CLIC2: variants seen among roughly 807,000 people sequenced by gnomAD.
CLIC2 encodes CLIC family member 2, also known as chloride intracellular channel protein 2.
Under a neutral mutation model 14.8 loss-of-function variants are expected in CLIC2, and 9 were observed. The observed-to-expected ratio is 0.61, with a 90% CI of 0.37 to 1.06. The LOEUF is 1.06. Ranked by LOEUF, CLIC2 falls within the 50% of genes least tolerant of loss-of-function variation. The pLI, the probability that CLIC2 is intolerant of heterozygous loss-of-function variation, is 0.01. For missense variants in CLIC2, 148 were observed against 181.4 expected (o/e 0.82, Z 1.06); for synonymous variants, 61 against 66.3 (o/e 0.92, Z 0.39).
intron 1 of CLIC2, among the ~76,000 whole-genome samples, chrX:155,328,184 T>C (rs1557322519): frequency 9.0e-6 from 1 of 110,789 alleles, no homozygotes; most frequent in African/African-American, 3.3e-5. Context: ...GATAAAGAAA[T>C]AAAAAGGCTT....
rs185956681 is a variant in CLIC2, at chrX:155,276,327, G to A, written c.*1576C>T. 31 of 112,027 alleles carry A rather than the reference G, an allele frequency of 2.8e-4. No homozygotes were observed. Among genetic ancestry groups the A allele is most frequent in the East Asian group, 1.1e-3 (4 of 3,598 alleles). The allele number at this position is 112,027 out of a possible 1,213,427, so 9.2% of individuals were successfully genotyped here. A position where few individuals can be genotyped will look rare whatever the true frequency, so the allele number is the denominator to read the frequency against. On this transcript the variant is annotated 3_prime_UTR_variant, in exon 6 of 6. Transcript: ENST00000369449. Reference sequence around the variant, plus strand: ...CACACAGTATAATGATCAAATAGGCGTAATTACCATATCCACCACTATAAA... The same window carrying A: ...CACACAGTATAATGATCAAATAGGCATAATTACCATATCCACCACTATAAA...
intron 1 of CLIC2, among the ~76,000 whole-genome samples, chrX:155,307,743 G>C (rs1427912044): frequency 9.0e-6 from 1 of 110,685 alleles, no homozygotes; most frequent in Non-Finnish European, 1.9e-5. Flanking sequence ...TGGGCATGGT[G>C]GTGGGCTCCT....
rs994040087 is a variant in CLIC2, at chrX:155,276,242, T to C, written c.*1661A>G. On this transcript the variant is annotated 3_prime_UTR_variant, in exon 6 of 6. Coordinates refer to ENST00000369449, the MANE Select transcript of CLIC2 (RefSeq NM_001289.6). ...GTTTTTAAAATTTATTTTTTAAATGTATAATGGGCACATAATTGTACATAT... is the reference window on the plus strand; with the variant it reads ...GTTTTTAAAATTTATTTTTTAAATGCATAATGGGCACATAATTGTACATAT... 2 of 111,909 alleles carry C rather than the reference T, an allele frequency of 1.8e-5. No homozygotes were observed. The highest frequency in any genetic ancestry group is 1.9e-4 in the Admixed American group (2 of 10,524). The allele number at this position is 111,909 out of a possible 1,213,427, so 9.2% of individuals were successfully genotyped here. A position where few individuals can be genotyped will look rare whatever the true frequency, so the allele number is the denominator to read the frequency against.
At chrX:155,294,168 C>T (rs2074984828) in intron 3 of CLIC2, among the ~76,000 whole-genome samples, 1 of 111,784 alleles carries the variant, frequency 8.9e-6, no homozygotes, top group East Asian at 2.8e-4. Flanking sequence ...CAAAATGTCT[C>T]AATAAATTTA....
At chrX:155,322,469 C>T (rs878948670) in intron 1 of CLIC2, among the ~76,000 whole-genome samples, 1 of 111,685 alleles carries the variant, frequency 9.0e-6, no homozygotes, top group Non-Finnish European at 1.9e-5. Context: ...GGGTAAACAA[C>T]GACATTAAGG....
chrX:155,315,134 C>A (rs879981612), intron 1 of CLIC2, among the ~76,000 whole-genome samples: 2 of 112,108 alleles, frequency 1.8e-5, no homozygotes, highest in African/African-American at 6.5e-5. Context: ...AAACCTAAGA[C>A]TAATTGATGT....
chrX:155,317,208 G>C (rs782790427), intron 1 of CLIC2, among the ~76,000 whole-genome samples: 1 of 111,637 alleles, frequency 9.0e-6, no homozygotes, highest in South Asian at 3.7e-4. Context: ...AAGAAATAAA[G>C]ATCAGAGCAG....
chrX:155,328,464 T>A (rs2075145896), intron 1 of CLIC2, among the ~76,000 whole-genome samples: 1 of 110,805 alleles, frequency 9.0e-6, no homozygotes, highest in African/African-American at 3.3e-5. Flanking sequence ...GATTTCTACC[T>A]GAAAACTATA....
At chrX:155,279,415 A>T in intron 4 of CLIC2, 85 bp from the exon 5 acceptor site, 4 of 714,834 alleles carry the variant, frequency 5.6e-6, no homozygotes, top group East Asian at 6.5e-5. Flanking sequence ...ACACATTTAG[A>T]CACCTCTATC....
intron 1 of CLIC2, among the ~76,000 whole-genome samples, chrX:155,329,349 A>G (rs782584333): frequency 3.7e-5 from 4 of 109,047 alleles, no homozygotes; most frequent in African/African-American, 1.3e-4. Flanking sequence ...GCCATATGAA[A>G]AGGTGCTCAA....
chrX:155,305,219 AGCAATCAG>A (rs1225573370), intron 1 of CLIC2, among the ~76,000 whole-genome samples: 2 of 111,991 alleles, frequency 1.8e-5, no homozygotes, highest in African/African-American at 3.2e-5. Flanking sequence ...CTGCTGTGCT[AGCAATCAG>A]CGAGACTCCG....
intron 4 of CLIC2, among the ~76,000 whole-genome samples, 159 bp from the exon 5 acceptor site, chrX:155,279,489 A>C (rs900781106): frequency 7.1e-4 from 80 of 112,223 alleles, no homozygotes; most frequent in African/African-American, 2.5e-3. Context: ...TCAGCTACTC[A>C]CTGATAAGAC....
intron 1 of CLIC2, among the ~76,000 whole-genome samples, chrX:155,332,384 C>A (rs1411062719): frequency 9.0e-6 from 1 of 111,445 alleles, no homozygotes; most frequent in Non-Finnish European, 1.9e-5. Context: ...AAACCTGGAC[C>A]AGATGATATT....
In CLIC2 at chrX:155,321,232, C is replaced by T. The variant is rs187284800; in HGVS notation, c.57+13139G>A. 9.5e-3 allele frequency among the ~76,000 whole-genome samples: 1,051 copies of T among 111,031 alleles called. 11 individuals are homozygous for T. The highest frequency in any genetic ancestry group is 0.016 in the Non-Finnish European group (847 of 52,972). On this transcript the variant is annotated intron_variant, in intron 1 of 5. Transcript: ENST00000369449. ...CAGAGAACACCACAAAGATACTCCT[C>T]GAGAAGAGCAACCCCAAGACACATA...
At chrX:155,284,254 A>ATTTTTTTT (rs781838836) in intron 3 of CLIC2, among the ~76,000 whole-genome samples, 1 of 92,668 alleles carries the variant, frequency 1.1e-5, no homozygotes. Context: ...TCTCCCTGGG[A>ATTTTTTTT]TTTTTTTTTT....
At chrX:155,304,930 T>C (rs1425082709) in intron 1 of CLIC2, among the ~76,000 whole-genome samples, 4 of 105,121 alleles carry the variant, frequency 3.8e-5, no homozygotes, top group Non-Finnish European at 5.9e-5. Context: ...GGAGGCAGTC[T>C]GCCCGTTCTC....
rs2074963828 is a variant in CLIC2 at position 155,291,272 on chromosome X, T to A, written c.293+7513A>T. 4 of 920,441 alleles carry A rather than the reference T, an allele frequency of 4.3e-6. No individual in the cohort carries two copies. The East Asian group carries it at 1.2e-4, about 29-fold the overall frequency. The allele number at this position is 920,441 out of a possible 1,213,427, so 75.9% of individuals were successfully genotyped here. On this transcript the variant is annotated intron_variant, in intron 3 of 5. Coordinates refer to ENST00000369449, the MANE Select transcript of CLIC2 (RefSeq NM_001289.6). ...GACTATATATGATCCAATCATAAGT[T>A]GCCCATTTTCAATAGATATTTTCAG...
chrX:155,307,214 G>A (rs1307046789), intron 1 of CLIC2, among the ~76,000 whole-genome samples: 1 of 111,563 alleles, frequency 9.0e-6, no homozygotes, highest in Admixed American at 9.5e-5. Flanking sequence ...GTATAACAGA[G>A]AAACTCTGAG....
intron 3 of CLIC2, among the ~76,000 whole-genome samples, chrX:155,295,731 C>A (rs782445857): frequency 3.4e-4 from 38 of 111,102 alleles, no homozygotes; most frequent in Non-Finnish European, 5.1e-4. Flanking sequence ...CAATAATGAT[C>A]TACCCACAAA....
Sources: allele counts gnomAD v4.1 joint callset (sites outside exome capture counted in the v4.1 genomes callset), GRCh38; gene constraint gnomAD v4.1.1; transcripts MANE v1.5; gene names NCBI Gene and HGNC (gene_info 2026-07-23, HGNC 2026-07-21).